Variants in SLIT3 observed in about 807,000 individuals in gnomAD.
SLIT3 encodes the protein slit guidance ligand 3.
In SLIT3, 68 loss-of-function variants were observed where a neutral mutation model predicts 184.0. That is an observed-to-expected ratio of 0.37 (90% confidence interval 0.30 to 0.45). The LOEUF (loss-of-function observed/expected upper bound fraction) is 0.45. Among genes scored for constraint, SLIT3 ranks in the 20% least tolerant of loss-of-function variants. SLIT3 has a pLI of 1.00. For synonymous variants in SLIT3, 831 were observed against 828.6 expected, an observed-to-expected ratio of 1.00 and a Z score of -0.05; for missense variants, 1,707 against 2,026.0, an observed-to-expected ratio of 0.84 and a Z score of 3.02.
At chr5:169,086,811 A>C (rs1759320370) in intron 4 of SLIT3, among the ~76,000 whole-genome samples, 1 of 152,234 alleles carries the variant, frequency 6.6e-6, no homozygotes. Context: ...GTTTAGGCCC[A>C]AATGTTCATT....
chr5:168,778,696 T>G (rs111235237), intron 12 of SLIT3, among the ~76,000 whole-genome samples: 2,611 of 152,292 alleles, frequency 0.017, 97 homozygotes, highest in African/African-American at 0.059. Context: ...ATCCCCTTAC[T>G]CTGAGCAGGC....
intron 12 of SLIT3, among the ~76,000 whole-genome samples, chr5:168,783,531 G>T (rs1756047717): frequency 6.6e-6 from 1 of 152,204 alleles, no homozygotes; most frequent in African/African-American, 2.4e-5. Context: ...ACTTCGTGTG[G>T]CAGAGGCAGT....
intron 5 of SLIT3, among the ~76,000 whole-genome samples, chr5:168,845,738 A>C (rs1453122781): frequency 6.6e-6 from 1 of 152,206 alleles, no homozygotes; most frequent in Admixed American, 6.5e-5. Context: ...ATTCCTTAAA[A>C]AACCATAAAA....
Position 168,689,533 on chromosome 5 carries a change from A to C in SLIT3, c.3177-2417T>G, listed in dbSNP as rs1359285828. 2.0e-5 allele frequency among the ~76,000 whole-genome samples: 3 copies of C among 152,338 alleles called. No homozygotes were observed. The East Asian group carries it at 5.8e-4, about 29-fold the overall frequency. ...ACCTCAGTGAGCCTCATAAAATGTG[A>C]ATGAGTTTCTACGTTCTAAGATTGT... is the stretch of plus-strand genomic sequence containing the variant. On this transcript the variant is annotated intron_variant, in intron 29 of 35. Transcript: ENST00000519560.
chr5:168,943,668 CA>C (rs1174127315), intron 4 of SLIT3, among the ~76,000 whole-genome samples: 2 of 152,156 alleles, frequency 1.3e-5, no homozygotes, highest in Non-Finnish European at 2.9e-5. Context: ...AAGCATTATG[CA>C]AGTGCAAGGT....
At position 168,810,977 on chromosome 5, in the gene SLIT3, A is replaced by G. The variant is rs565102853; in HGVS notation, c.794-4390T>C. On this transcript the variant is annotated intron_variant, in intron 8 of 35. Transcript: ENST00000519560. ...CCTGAAGTTATCAGAGGGAAGAAAG[A>G]CTGAGCCATAACCAGGGACCTGCCT... 2.6e-5 allele frequency among the ~76,000 whole-genome samples: 4 copies of G among 152,232 alleles called. No individual in the cohort carries two copies. In the East Asian group the frequency reaches 7.8e-4, roughly 30 times the overall value.
At chr5:169,082,244 A>G (rs1759096549) in intron 4 of SLIT3, among the ~76,000 whole-genome samples, 1 of 152,148 alleles carries the variant, frequency 6.6e-6, no homozygotes, top group African/African-American at 2.4e-5. Context: ...AAAGCCTTCA[A>G]CTTTTTCTAT....
chr5:169,150,383 G>A (rs146542173), intron 4 of SLIT3, among the ~76,000 whole-genome samples: 2 of 152,272 alleles, frequency 1.3e-5, no homozygotes, highest in African/African-American at 4.8e-5. Flanking sequence ...ATAAAGCTGT[G>A]AGGCTGTGCA....
chr5:169,193,427 C>A (rs1332784599), intron 4 of SLIT3, 52 bp downstream of exon 4: 1 of 1,488,222 alleles, frequency 6.7e-7, no homozygotes, highest in African/African-American at 1.4e-5. Flanking sequence ...TCCTCCACAT[C>A]ACCCAAGCCA....
At position 168,665,300 on chromosome 5, in the gene SLIT3, G is replaced by A. The variant is rs1418235107; in HGVS notation, c.*1154C>T. On this transcript the variant is annotated 3_prime_UTR_variant, in exon 36 of 36. Coordinates refer to ENST00000519560, the MANE Select transcript of SLIT3 (RefSeq NM_003062.4). Reference sequence around the variant, plus strand: ...CACAGATGGGCAAGGAGTCTCTATCGTCATGCTGGTGACCTGGAGGATCAG... The same window carrying A: ...CACAGATGGGCAAGGAGTCTCTATCATCATGCTGGTGACCTGGAGGATCAG... 3 of 152,190 alleles carry A rather than the reference G, an allele frequency of 2.0e-5. No homozygotes were observed. The highest frequency in any genetic ancestry group is 2.9e-5 in the Non-Finnish European group (2 of 68,088). 9.4% of individuals were successfully genotyped at this position (152,190 alleles called of 1,614,324 possible). A position where few individuals can be genotyped will look rare whatever the true frequency, so the allele number is the denominator to read the frequency against.
chr5:168,801,754 C>T (rs553543817), intron 9 of SLIT3, among the ~76,000 whole-genome samples: 16 of 152,276 alleles, frequency 1.1e-4, no homozygotes, highest in African/African-American at 3.1e-4. Flanking sequence ...GCAGTGAGAA[C>T]GGTGCCATCG....
At chr5:169,140,456 G>T (rs942877319) in intron 4 of SLIT3, among the ~76,000 whole-genome samples, 13 of 138,068 alleles carry the variant, frequency 9.4e-5, no homozygotes, top group Non-Finnish European at 1.8e-4. Flanking sequence ...CTCTGGCCTG[G>T]GCAACAAGAG....
chr5:168,704,739 T>C (rs930280671), intron 26 of SLIT3, among the ~76,000 whole-genome samples: 4 of 152,196 alleles, frequency 2.6e-5, no homozygotes, highest in African/African-American at 4.8e-5. Flanking sequence ...TTTTTTATAA[T>C]ATTGTGGCTT....
intron 8 of SLIT3, among the ~76,000 whole-genome samples, chr5:168,810,645 T>C (rs1308854924): frequency 1.3e-5 from 2 of 152,176 alleles, no homozygotes; most frequent in African/African-American, 4.8e-5. Flanking sequence ...GGGCTCTCTA[T>C]CTGAAGCCAA....
At chr5:169,094,862 G>A (rs1759720160) in intron 4 of SLIT3, among the ~76,000 whole-genome samples, 1 of 152,170 alleles carries the variant, frequency 6.6e-6, no homozygotes, top group Admixed American at 6.5e-5. Context: ...CATCACAACA[G>A]AAGAGCTGAG....
chr5:168,759,580 G>A lies in SLIT3; in HGVS notation c.1685+1282C>T, dbSNP rs186882502. Among the ~76,000 whole-genome samples, 13 of 152,254 alleles carry A rather than the reference G, an allele frequency of 8.5e-5. 1 individual carries two copies. The East Asian group carries it at 2.5e-3, about 29-fold the overall frequency. On this transcript the variant is annotated intron_variant, in intron 16 of 35. Coordinates refer to ENST00000519560, the MANE Select transcript of SLIT3 (RefSeq NM_003062.4). ...CAAAACCCACGGCACTGAATATAAC[G>A]CAAAAGGACACTGGTTTACAGCATG... is the stretch of plus-strand genomic sequence containing the variant.
intron 20 of SLIT3, among the ~76,000 whole-genome samples, chr5:168,746,733 GT>G: frequency 1.9e-5 from 2 of 106,628 alleles, no homozygotes; most frequent in Non-Finnish European, 4.0e-5. Flanking sequence ...GCGGTGTGTG[GT>G]GGTGTGCGGT....
At chr5:168,883,200 CCTCA>C in intron 5 of SLIT3, 61 bp downstream of exon 5, 1 of 1,321,850 alleles carries the variant, frequency 7.6e-7, no homozygotes, top group Non-Finnish European at 1.1e-6. Context: ...CATCCCTCAC[CCTCA>C]CTCTGGTCAG....
chr5:168,829,768 A>G (rs1358035876), intron 6 of SLIT3, among the ~76,000 whole-genome samples: 1 of 152,202 alleles, frequency 6.6e-6, no homozygotes, highest in African/African-American at 2.4e-5. Flanking sequence ...AGCAGCTGAG[A>G]GTATAAGTCC....
Sources: allele counts gnomAD v4.1 joint callset (sites outside exome capture counted in the v4.1 genomes callset), GRCh38; gene constraint gnomAD v4.1.1; transcripts MANE v1.5; gene names NCBI Gene and HGNC (gene_info 2026-07-23, HGNC 2026-07-21).